POTEF: variants seen among roughly 807,000 people sequenced by gnomAD.
POTEF encodes the protein ANKRD26-like family C member 1B.
In POTEF, 20 loss-of-function variants were observed where a neutral mutation model predicts 83.2. The observed-to-expected ratio is 0.24, with a 90% CI of 0.17 to 0.35. The LOEUF (loss-of-function observed/expected upper bound fraction) is 0.35, where lower values mean the gene tolerates loss of function less well. Ranked by LOEUF, POTEF falls within the 10% of genes least tolerant of loss-of-function variation. The pLI is 1.00. For synonymous variants in POTEF, 196 were observed against 446.4 expected, an observed-to-expected ratio of 0.44 and a Z score of 7.07; for missense variants, 550 against 1,203.2, an observed-to-expected ratio of 0.46 and a Z score of 8.03.
At chr2:130,123,385 G>GT (rs1256958875) in intron 2 of POTEF, among the ~76,000 whole-genome samples, 3 of 151,844 alleles carry the variant, frequency 2.0e-5, no homozygotes, top group Admixed American at 6.6e-5. Context: ...TTATTACCTT[G>GT]TTCTCAAAGT....
chr2:130,128,673 G>A (rs1416844745), intron 1 of POTEF, among the ~76,000 whole-genome samples: 14 of 151,860 alleles, frequency 9.2e-5, no homozygotes, highest in Middle Eastern at 3.5e-3. Context: ...ACCACAGGTA[G>A]CGCAGCTCCT....
intron 3 of POTEF, among the ~76,000 whole-genome samples, chr2:130,117,437 T>C: frequency 6.6e-6 from 1 of 151,916 alleles, no homozygotes; most frequent in Non-Finnish European, 1.5e-5. Context: ...AGATGTTCAT[T>C]GCAGAAATCA....
intron 1 of POTEF, among the ~76,000 whole-genome samples, chr2:130,128,704 G>C (rs1404436402): frequency 0.013 from 1,919 of 146,956 alleles, no homozygotes; most frequent in African/African-American, 0.048. Flanking sequence ...CCTGAGTAAG[G>C]GCAGTGCAGC....
rs563532019 is a variant in POTEF, at chr2:130,105,051, A to C, written c.1127-2871T>G. On this transcript the variant is annotated intron_variant, in intron 8 of 16. Transcript: ENST00000409914. ...TCCTTCGTCCTCACATCCAGGTTAAATACTACTGTACAACCTGGAAACCTG... is the reference window on the plus strand; with the variant it reads ...TCCTTCGTCCTCACATCCAGGTTAACTACTACTGTACAACCTGGAAACCTG... 6.1e-4 allele frequency among the ~76,000 whole-genome samples: 91 copies of C among 149,574 alleles called. 2 individuals carry two copies. Among genetic ancestry groups the C allele is most frequent in the African/African-American group, 2.1e-3 (84 of 39,916 alleles).
At chr2:130,110,351 G>A (rs1399248434) in intron 7 of POTEF, among the ~76,000 whole-genome samples, 192 bp downstream of exon 7, 13 of 150,536 alleles carry the variant, frequency 8.6e-5, no homozygotes, top group South Asian at 8.4e-4. Flanking sequence ...AAAGAATCCC[G>A]CACCCATTGG....
At chr2:130,117,634 T>G (rs898439225) in intron 3 of POTEF, among the ~76,000 whole-genome samples, 3 of 151,996 alleles carry the variant, frequency 2.0e-5, no homozygotes, top group Admixed American at 2.0e-4. Context: ...ACTGACAACC[T>G]CAATAGTTAC....
chr2:130,123,887 A>G (rs1236832996), intron 2 of POTEF, among the ~76,000 whole-genome samples: 3 of 121,228 alleles, frequency 2.5e-5, no homozygotes, highest in Non-Finnish European at 3.3e-5. Context: ...ATGTGATGGA[A>G]GGATTTTAAA....
chr2:130,075,932 G>C (rs1468027954), intron 16 of POTEF, among the ~76,000 whole-genome samples: 1 of 149,658 alleles, frequency 6.7e-6, no homozygotes, highest in Non-Finnish European at 1.5e-5. Flanking sequence ...TAAAATATAA[G>C]ATTAATAATT....
At chr2:130,108,937 G>C (rs1031851184) in intron 7 of POTEF, among the ~76,000 whole-genome samples, 5 of 151,076 alleles carry the variant, frequency 3.3e-5, no homozygotes, top group Non-Finnish European at 7.4e-5. Flanking sequence ...TGACATGGGA[G>C]ACCAAAAGTC....
At chr2:130,128,754 T>C (rs563033601) in intron 1 of POTEF, among the ~76,000 whole-genome samples, 22 of 90,146 alleles carry the variant, frequency 2.4e-4, no homozygotes, top group Middle Eastern at 6.6e-3. Flanking sequence ...CTGCCAGCAT[T>C]GTAGCTCCAA....
intron 2 of POTEF, chr2:130,121,007 G>A (rs954632631): frequency 4.0e-5 from 9 of 224,318 alleles, no homozygotes; most frequent in Non-Finnish European, 6.7e-5. Context: ...AAGCCGTTAC[G>A]CGCGTGCGGC....
intron 5 of POTEF, among the ~76,000 whole-genome samples, chr2:130,114,662 G>T: frequency 6.6e-6 from 1 of 150,544 alleles, no homozygotes; most frequent in African/African-American, 2.5e-5. Context: ...TTCAAAAAAA[G>T]TATTTACCAC....
intron 7 of POTEF, chr2:130,109,548 G>A (rs1327847876): frequency 1.3e-5 from 2 of 151,090 alleles, no homozygotes; most frequent in African/African-American, 4.9e-5. Context: ...CTCAGGGCAA[G>A]GTTCATACGG....
intron 11 of POTEF, among the ~76,000 whole-genome samples, chr2:130,095,025 C>CTTTTT (rs1189045004): frequency 9.3e-6 from 1 of 107,114 alleles, no homozygotes. Flanking sequence ...CCATGTCAAA[C>CTTTTT]TTTTTTTTTT....
chr2:130,074,042 A>G lies in POTEF; in HGVS notation c.*202T>C. The G allele has an allele frequency of 2.2e-6, 2 of 920,532 alleles. No homozygotes were observed. The highest frequency in any genetic ancestry group is 2.9e-5 in the Admixed American group (1 of 34,702). The allele number at this position is 920,532 out of a possible 1,614,324, so 57.0% of individuals were successfully genotyped here. A position where few individuals can be genotyped will look rare whatever the true frequency, so the allele number is the denominator to read the frequency against. On this transcript the variant is annotated 3_prime_UTR_variant, in exon 17 of 17. Transcript: ENST00000409914. ...AGGTACAATCAAAGTCCTTGGCCAC[A>G]TTGTAGAACTTTGGAGGAAGCTTCC... is the stretch of plus-strand genomic sequence containing the variant.
At chr2:130,115,185 T>G (rs1294681501) in intron 4 of POTEF, 29 bp downstream of exon 4, 1 of 1,612,226 alleles carries the variant, frequency 6.2e-7, no homozygotes, top group East Asian at 2.2e-5. Context: ...CAAACCCACC[T>G]CATGCTGATA....
chr2:130,109,053 C>G (rs2443693), intron 7 of POTEF, among the ~76,000 whole-genome samples: 2 of 151,262 alleles, frequency 1.3e-5, no homozygotes, highest in Non-Finnish European at 2.9e-5. Flanking sequence ...TGTTATTCAG[C>G]TCAAAGTCAT....
intron 3 of POTEF, among the ~76,000 whole-genome samples, chr2:130,119,444 G>A (rs1684940014): frequency 6.6e-6 from 1 of 151,822 alleles, no homozygotes; most frequent in African/African-American, 2.4e-5. Context: ...ACAGGCGTGA[G>A]CCACCGCGCC....
intron 8 of POTEF, among the ~76,000 whole-genome samples, chr2:130,105,145 G>A (rs1041531540): frequency 1.4e-4 from 20 of 139,186 alleles, no homozygotes; most frequent in Non-Finnish European, 2.1e-4. Flanking sequence ...TCATATTGAC[G>A]ATACCTCTCT....
Sources: allele counts gnomAD v4.1 joint callset (sites outside exome capture counted in the v4.1 genomes callset), GRCh38; gene constraint gnomAD v4.1.1; transcripts MANE v1.5; gene names NCBI Gene and HGNC (gene_info 2026-07-23, HGNC 2026-07-21).